The following KIAA2012 variants were observed in gnomAD, a reference collection of about 807,000 sequenced individuals.
KIAA2012 encodes the protein uncharacterized protein KIAA2012.
Under a neutral mutation model 150.6 loss-of-function variants are expected in KIAA2012, and 125 were observed. That is an observed-to-expected ratio of 0.83 (90% CI 0.72 to 0.96). The LOEUF (loss-of-function observed/expected upper bound fraction) is 0.96. Among genes scored for constraint, KIAA2012 ranks in the 40% least tolerant of loss-of-function variants. The pLI is 0.00. For synonymous variants in KIAA2012, 462 were observed against 504.7 expected, an observed-to-expected ratio of 0.92 and a Z score of 1.13; for missense variants, 1,219 against 1,354.9, an observed-to-expected ratio of 0.90 and a Z score of 1.57.
chr2:202,073,782 G>A (rs569127921), intron 1 of KIAA2012, 71 bp downstream of exon 1: 3 of 1,348,158 alleles, frequency 2.2e-6, no homozygotes, highest in African/African-American at 1.4e-5. Flanking sequence ...CCACTTGGGA[G>A]GTAAACCATG....
chr2:202,080,994 CT>C (rs1461419353), intron 2 of KIAA2012, among the ~76,000 whole-genome samples: 2 of 152,040 alleles, frequency 1.3e-5, no homozygotes, highest in Non-Finnish European at 2.9e-5. Context: ...GAAACAGTAA[CT>C]CCCCATTTCC....
intron 12 of KIAA2012, among the ~76,000 whole-genome samples, chr2:202,127,586 A>T (rs767998420): frequency 8.5e-5 from 13 of 152,222 alleles, no homozygotes; most frequent in Non-Finnish European, 1.9e-4. Context: ...AGAAGGGGCC[A>T]TGACAGTGCC....
intron 15 of KIAA2012, chr2:202,179,576 A>C (rs1238584612): frequency 3.0e-6 from 2 of 670,636 alleles, no homozygotes; most frequent in Non-Finnish European, 2.9e-6. Context: ...AAACTAGCTC[A>C]ACAATACTAT....
intron 14 of KIAA2012, among the ~76,000 whole-genome samples, chr2:202,162,690 T>G (rs1402552768): frequency 6.6e-6 from 1 of 150,582 alleles, no homozygotes; most frequent in Non-Finnish European, 1.5e-5. Context: ...CCCAGCACTC[T>G]GGGATGCCAA....
At chr2:202,197,311 GACAA>G (rs1692433041) in intron 22 of KIAA2012, 1 of 448,510 alleles carries the variant, frequency 2.2e-6, no homozygotes, top group Non-Finnish European at 4.1e-6. Context: ...CTTGATCACA[GACAA>G]ACAGTGACTT....
At chr2:202,151,815 G>A (rs2105950941) in intron 13 of KIAA2012, among the ~76,000 whole-genome samples, 1 of 152,230 alleles carries the variant, frequency 6.6e-6, no homozygotes, top group South Asian at 2.1e-4. Context: ...AGGCTGGAGT[G>A]CAGTGGCATG....
intron 13 of KIAA2012, among the ~76,000 whole-genome samples, chr2:202,140,393 C>A (rs1691174886): frequency 6.6e-6 from 1 of 152,136 alleles, no homozygotes; most frequent in Admixed American, 6.5e-5. Context: ...CATGCACCTG[C>A]CTCCTTTGTG....
intron 11 of KIAA2012, chr2:202,115,173 T>C (rs1690483770): frequency 6.6e-6 from 1 of 152,444 alleles, no homozygotes; most frequent in Admixed American, 6.5e-5. Context: ...TCGCAAAATA[T>C]TAGGTTGGAG....
intron 2 of KIAA2012, 55 bp from the exon 3 acceptor site, chr2:202,090,715 A>C: frequency 6.7e-7 from 1 of 1,491,546 alleles, no homozygotes; most frequent in Admixed American, 2.2e-5. Flanking sequence ...AGCCTGTATC[A>C]CTGGGTGGCT....
Position 202,090,876 on chromosome 2 carries a change from G to C in KIAA2012, c.476G>C (p.Arg159Pro), listed in dbSNP as rs1447603654. Residue 159 changes from arginine (R) to proline (P), a missense_variant, in exon 3 of 24, where the codon CGA becomes CCA. Transcript: ENST00000498697. Reference protein sequence around the residue: ...QPGHSAKRYLRGLLRTWPPDA... With the variant: ...QPGHSAKRYLPGLLRTWPPDA... ...GGGCATTCAGCCAAGAGATACCTCCGAGGCCTCCTGCGGACTTGGCCCCCA... is the reference window on the plus strand; with the variant it reads ...GGGCATTCAGCCAAGAGATACCTCCCAGGCCTCCTGCGGACTTGGCCCCCA... The C allele has an allele frequency of 4.5e-6, 7 of 1,550,482 alleles. No homozygotes were observed. The highest frequency in any genetic ancestry group is 2.0e-5 in the Admixed American group (1 of 51,008).
intron 13 of KIAA2012, among the ~76,000 whole-genome samples, chr2:202,151,734 A>AT (rs1691432213): frequency 6.6e-6 from 1 of 152,052 alleles, no homozygotes; most frequent in African/African-American, 2.4e-5. Flanking sequence ...CGTGACTTTC[A>AT]TTTTTATTTT....
chr2:202,076,741 G>A (rs1439535462), intron 2 of KIAA2012, among the ~76,000 whole-genome samples: 1 of 152,170 alleles, frequency 6.6e-6, no homozygotes, highest in Non-Finnish European at 1.5e-5. Flanking sequence ...ACCAGGGCCT[G>A]CATACTTTGC....
intron 14 of KIAA2012, among the ~76,000 whole-genome samples, chr2:202,158,499 T>C (rs999072236): frequency 6.6e-6 from 1 of 152,162 alleles, no homozygotes; most frequent in African/African-American, 2.4e-5. Context: ...ATTTTCCATT[T>C]GTTGCATGTG....
intron 15 of KIAA2012, among the ~76,000 whole-genome samples, chr2:202,180,594 G>A (rs1415190191): frequency 6.6e-6 from 1 of 152,172 alleles, no homozygotes; most frequent in African/African-American, 2.4e-5. Context: ...GGAGGCCAAG[G>A]CGGGTGGATC....
In KIAA2012 at chr2:202,113,350, C is replaced by T. The variant is rs771896503; in HGVS notation, c.1666C>T (p.Pro556Ser). ...TTATTTTCAAGAAGATTCCAGCGAC[C>T]CTACACTGGGACACTTCTTGCTGGG... ...LPAAQEDSSD[P>S]TLGHFLLGPD... is the part of the protein sequence containing the mutation. Residue 556 changes from proline to serine, a missense_variant, in exon 11 of 24, where the codon CCT becomes TCT. Physicochemically the swap from Pro to Ser is moderately conservative, Grantham distance 74. Transcript: ENST00000498697. The T allele has an allele frequency of 1.3e-6, 2 of 1,550,636 alleles. No homozygotes were observed. Among genetic ancestry groups the T allele is most frequent in the Admixed American group, 2.0e-5 (1 of 50,996 alleles).
intron 21 of KIAA2012, among the ~76,000 whole-genome samples, chr2:202,195,611 A>T (rs1292666963): frequency 6.6e-6 from 1 of 152,164 alleles, no homozygotes; most frequent in African/African-American, 2.4e-5. Context: ...GCTATAGAAC[A>T]CTAGAACTTA....
intron 9 of KIAA2012, among the ~76,000 whole-genome samples, chr2:202,107,565 G>A (rs186242417): frequency 1.3e-5 from 2 of 152,220 alleles, no homozygotes; most frequent in African/African-American, 4.8e-5. Flanking sequence ...CCCTACATTT[G>A]TTTTGAGCTG....
intron 20 of KIAA2012, among the ~76,000 whole-genome samples, chr2:202,193,972 G>A (rs1054563819): frequency 8.5e-5 from 13 of 152,230 alleles, no homozygotes; most frequent in African/African-American, 2.7e-4. Context: ...AGAGCACAGA[G>A]CTGTGTACTG....
chr2:202,145,273 C>T (rs917543343), intron 13 of KIAA2012, among the ~76,000 whole-genome samples: 3 of 152,312 alleles, frequency 2.0e-5, no homozygotes, highest in African/African-American at 7.2e-5. Context: ...TCTCTCCCCA[C>T]CCCTCTGGTT....
Sources: allele counts gnomAD v4.1 joint callset (sites outside exome capture counted in the v4.1 genomes callset), GRCh38; gene constraint gnomAD v4.1.1; transcripts MANE v1.5; gene names NCBI Gene and HGNC (gene_info 2026-07-23, HGNC 2026-07-21).